The following EPHA6 variants were observed in gnomAD, a reference collection of about 807,000 sequenced individuals.
The protein encoded by EPHA6 is ephrin type-A receptor 6.
EPHA6 carries 50 observed loss-of-function variants against 112.0 expected under a neutral mutation model. That is an observed-to-expected ratio of 0.45 (90% CI 0.36 to 0.56). EPHA6 has a LOEUF of 0.56. Among genes scored for constraint, EPHA6 ranks in the 20% least tolerant of loss-of-function variants. The pLI, the probability that EPHA6 is intolerant of heterozygous loss-of-function variation, is 0.00. For missense variants in EPHA6, 1,280 were observed against 1,417.4 expected (o/e 0.90, Z 1.56); for synonymous variants, 529 against 490.7 (o/e 1.08, Z -1.03).
rs546367836 is a variant in EPHA6, at chr3:97,743,620, G to A, written c.3129-3803G>A. ...GGATACATTCATGAATATGTGAAAT[G>A]AAGGCAATGTAAAATAAAATGGACC... On this transcript the variant is annotated intron_variant, in intron 16 of 17. Coordinates refer to ENST00000389672, the MANE Select transcript of EPHA6 (RefSeq NM_001080448.3). 3.3e-5 allele frequency among the ~76,000 whole-genome samples: 5 copies of A among 152,170 alleles called. No individual in the cohort carries two copies. In the South Asian group the frequency reaches 1.0e-3, roughly 31 times the overall value.
At chr3:97,332,359 G>A (rs1268906952) in intron 5 of EPHA6, among the ~76,000 whole-genome samples, 3 of 151,972 alleles carry the variant, frequency 2.0e-5, no homozygotes, top group African/African-American at 7.3e-5. Context: ...AGACAGGGAT[G>A]CCCTCTCTCA....
chr3:97,253,840 T>C (rs555423240), intron 5 of EPHA6, among the ~76,000 whole-genome samples: 36 of 152,156 alleles, frequency 2.4e-4, no homozygotes, highest in Non-Finnish European at 1.2e-4. Context: ...TTGGCCATTG[T>C]CTATCTATGA....
chr3:97,072,615 A>G (rs1312170336), intron 3 of EPHA6, among the ~76,000 whole-genome samples: 1 of 152,134 alleles, frequency 6.6e-6, no homozygotes, highest in Non-Finnish European at 1.5e-5. Context: ...ATACAGGGCA[A>G]AAACTAACTG....
intron 2 of EPHA6, among the ~76,000 whole-genome samples, chr3:96,954,974 G>T (rs948236543): frequency 3.3e-5 from 5 of 151,230 alleles, no homozygotes; most frequent in Non-Finnish European, 5.9e-5. Flanking sequence ...CACATAACAG[G>T]TTCTTAATAT....
intron 1 of EPHA6, among the ~76,000 whole-genome samples, chr3:96,837,593 C>A (rs1419717252): frequency 1.6e-4 from 25 of 152,126 alleles, no homozygotes; most frequent in Non-Finnish European, 2.9e-4. Context: ...AAACTGTTTA[C>A]CAGGTCAACA....
At chr3:96,925,834 G>A (rs1302454300) in intron 2 of EPHA6, among the ~76,000 whole-genome samples, 13 of 151,980 alleles carry the variant, frequency 8.6e-5, no homozygotes, top group South Asian at 4.2e-4. Flanking sequence ...TCAAACTTCC[G>A]ACCTCAGGTG....
intron 5 of EPHA6, among the ~76,000 whole-genome samples, chr3:97,322,241 C>T (rs1294593445): frequency 1.3e-5 from 2 of 151,930 alleles, no homozygotes; most frequent in Non-Finnish European, 2.9e-5. Flanking sequence ...TTTTTTAAGC[C>T]TCTGAGTTAG....
intron 5 of EPHA6, among the ~76,000 whole-genome samples, chr3:97,250,907 C>T (rs182117487): frequency 3.6e-4 from 54 of 151,546 alleles, no homozygotes; most frequent in Non-Finnish European, 6.5e-4. Flanking sequence ...TCACTTTGTC[C>T]CCAGGGTGGA....
In EPHA6 at chr3:97,284,055, G is replaced by C. The variant is rs550254062; in HGVS notation, c.1606+39768G>C. 5.3e-5 allele frequency among the ~76,000 whole-genome samples: 8 copies of C among 151,946 alleles called. No individual in the cohort carries two copies. The East Asian group carries it at 1.5e-3, about 29-fold the overall frequency. Reference sequence around the variant, plus strand: ...GCTGTGCACATTTCTGTTACCTTTTGCTTAACTCAATGCACAGCAATTAAT... The same window carrying C: ...GCTGTGCACATTTCTGTTACCTTTTCCTTAACTCAATGCACAGCAATTAAT... On this transcript the variant is annotated intron_variant, in intron 5 of 17. Transcript: ENST00000389672.
chr3:97,615,260 C>T lies in EPHA6; in HGVS notation c.2574+4406C>T, dbSNP rs904384193. On this transcript the variant is annotated intron_variant, in intron 13 of 17. Coordinates refer to ENST00000389672, the MANE Select transcript of EPHA6 (RefSeq NM_001080448.3). The stretch of plus-strand genomic sequence containing the variant: ...ACTCTTGGGTCAGGAGATGCCCTTG[C>T]GAACCCACTCCACCAGGGTTTTCAG... Among the ~76,000 whole-genome samples, 8 of 152,204 alleles carry T rather than the reference C, an allele frequency of 5.3e-5. No homozygotes were observed. The East Asian group carries it at 7.7e-4, about 15-fold the overall frequency.
At position 96,999,004 on chromosome 3, in the gene EPHA6, T is replaced by A. The variant is rs542240836; in HGVS notation, c.1114+11011T>A. Among the ~76,000 whole-genome samples, 7 of 152,094 alleles carry A rather than the reference T, an allele frequency of 4.6e-5. No homozygotes were observed. The South Asian group carries it at 1.4e-3, about 31-fold the overall frequency. ...TCGTTCTTACTTTTTGTTTCATTTC[T>A]GCCTACTTTGTTACATAATTCTCTT... On this transcript the variant is annotated intron_variant, in intron 3 of 17. Coordinates refer to ENST00000389672, the MANE Select transcript of EPHA6 (RefSeq NM_001080448.3).
intron 14 of EPHA6, among the ~76,000 whole-genome samples, chr3:97,690,737 G>A (rs2032608457): frequency 6.6e-6 from 1 of 152,082 alleles, no homozygotes; most frequent in South Asian, 2.1e-4. Flanking sequence ...CAAAGTGCTG[G>A]GATTACAGGT....
intron 12 of EPHA6, among the ~76,000 whole-genome samples, chr3:97,595,776 C>T (rs567830640): frequency 6.6e-6 from 1 of 151,860 alleles, no homozygotes; most frequent in South Asian, 2.1e-4. Context: ...TTAGAAATGA[C>T]GTAACTCTAA....
chr3:97,664,338 A>G (rs917936523), intron 14 of EPHA6, among the ~76,000 whole-genome samples: 5 of 152,110 alleles, frequency 3.3e-5, no homozygotes, highest in Admixed American at 2.6e-4. Flanking sequence ...TCTTTAGTTT[A>G]ATTAGATCCC....
At chr3:96,919,280 C>G (rs2039641532) in intron 2 of EPHA6, among the ~76,000 whole-genome samples, 1 of 151,758 alleles carries the variant, frequency 6.6e-6, no homozygotes, top group Non-Finnish European at 1.5e-5. Context: ...TATAAAGTAT[C>G]ATGAACTTCA....
Position 97,596,902 on chromosome 3 carries a change from A to ATATATATATG in EPHA6, c.2512+4168_2512+4169insATATATGTAT, listed in dbSNP as rs1488752484. ...TATATATATATATATATATATATAT[A>ATATATATATG]TATGTATGTATATATGCCAGATTGG... On this transcript the variant is annotated intron_variant, in intron 12 of 17. Coordinates refer to ENST00000389672, the MANE Select transcript of EPHA6 (RefSeq NM_001080448.3). Among the ~76,000 whole-genome samples the ATATATATATG allele has an allele frequency of 1.0e-3, 114 of 114,312 alleles. 1 individual carries two copies. Among genetic ancestry groups the ATATATATATG allele is most frequent in the African/African-American group, 3.2e-3 (105 of 33,288 alleles). 75.0% of individuals were successfully genotyped at this position (114,312 alleles called of 152,430 possible).
intron 2 of EPHA6, among the ~76,000 whole-genome samples, chr3:96,932,441 C>A (rs2040372845): frequency 6.6e-6 from 1 of 151,296 alleles, no homozygotes; most frequent in African/African-American, 2.5e-5. Flanking sequence ...TTTACTTTAC[C>A]AAAATCCTTT....
At chr3:97,416,411 T>C (rs1054338429) in intron 6 of EPHA6, among the ~76,000 whole-genome samples, 55 of 152,116 alleles carry the variant, frequency 3.6e-4, no homozygotes, top group African/African-American at 1.3e-3. Context: ...ACATTTTCAT[T>C]TTTGGATTAG....
At chr3:96,944,170 C>T (rs948149074) in intron 2 of EPHA6, among the ~76,000 whole-genome samples, 1 of 152,158 alleles carries the variant, frequency 6.6e-6, no homozygotes, top group Non-Finnish European at 1.5e-5. Context: ...CCCACCACTC[C>T]ACCAAAACAA....
Sources: gnomAD v4.1 joint callset for allele counts (sites outside exome capture counted in the v4.1 genomes callset) on GRCh38, gnomAD v4.1.1 for gene constraint, MANE v1.5 for transcripts, NCBI Gene and HGNC (gene_info 2026-07-23, HGNC 2026-07-21) for gene names.